Variants in NTRK3 observed in about 807,000 individuals in gnomAD.
NTRK3 encodes the protein NT-3 growth factor receptor.
In NTRK3, 24 loss-of-function variants were observed where a neutral mutation model predicts 91.7. That is an observed-to-expected ratio of 0.26 (90% confidence interval 0.19 to 0.37). NTRK3 has a LOEUF of 0.37. Among genes scored for constraint, NTRK3 ranks in the 10% least tolerant of loss-of-function variants. The pLI is 1.00. For synonymous variants in NTRK3, 483 were observed against 404.0 expected, an observed-to-expected ratio of 1.20 and a Z score of -2.34; for missense variants, 880 against 1,068.9, an observed-to-expected ratio of 0.82 and a Z score of 2.46.
chr15:88,060,045 A>G (rs2046070695), intron 13 of NTRK3, among the ~76,000 whole-genome samples: 1 of 152,124 alleles, frequency 6.6e-6, no homozygotes, highest in South Asian at 2.1e-4. Context: ...AAGGTCATGG[A>G]AGCCTCCTCA....
intron 5 of NTRK3, among the ~76,000 whole-genome samples, chr15:88,149,688 C>T (rs2043199519): frequency 6.6e-6 from 1 of 152,208 alleles, no homozygotes; most frequent in Non-Finnish European, 1.5e-5. Flanking sequence ...ATGCAGCAGC[C>T]CAGCTCCTGC....
chr15:88,024,062 T>C (rs946844796), intron 14 of NTRK3, among the ~76,000 whole-genome samples: 1 of 152,248 alleles, frequency 6.6e-6, no homozygotes, highest in Non-Finnish European at 1.5e-5. Context: ...GCACTGTTAA[T>C]ACTGCATTAT....
At chr15:88,207,800 G>A (rs1233850809) in intron 3 of NTRK3, among the ~76,000 whole-genome samples, 1 of 152,180 alleles carries the variant, frequency 6.6e-6, no homozygotes. Context: ...AGGGCCAGAT[G>A]TGCTCAGCTC....
At chr15:87,994,580 G>C (rs1189221665) in intron 14 of NTRK3, among the ~76,000 whole-genome samples, 2 of 152,168 alleles carry the variant, frequency 1.3e-5, no homozygotes, top group African/African-American at 2.4e-5. Context: ...CTTGATCTTG[G>C]ATTTCGGGCC....
intron 17 of NTRK3, among the ~76,000 whole-genome samples, chr15:87,920,703 A>T (rs2067793508): frequency 6.6e-6 from 1 of 152,156 alleles, no homozygotes; most frequent in Admixed American, 6.6e-5. Flanking sequence ...CTGGTTTTGC[A>T]GGAGGGGGTC....
intron 13 of NTRK3, among the ~76,000 whole-genome samples, chr15:88,080,882 C>T (rs189930204): frequency 6.6e-6 from 1 of 152,338 alleles, no homozygotes; most frequent in African/African-American, 2.4e-5. Flanking sequence ...CACACAGGTG[C>T]AACTGGCAGT....
chr15:88,198,797 A>C (rs1203421371), intron 3 of NTRK3, among the ~76,000 whole-genome samples: 1 of 152,132 alleles, frequency 6.6e-6, no homozygotes, highest in Non-Finnish European at 1.5e-5. Flanking sequence ...CTGTCTAAGT[A>C]GCCTGGGACA....
intron 5 of NTRK3, among the ~76,000 whole-genome samples, chr15:88,162,717 A>G (rs967076631): frequency 8.5e-5 from 13 of 152,248 alleles, no homozygotes; most frequent in African/African-American, 2.7e-4. Context: ...TCCAAGGAAA[A>G]TAATGAGGAA....
At chr15:87,913,815 G>T (rs985474230) in intron 17 of NTRK3, among the ~76,000 whole-genome samples, 1 of 152,204 alleles carries the variant, frequency 6.6e-6, no homozygotes, top group East Asian at 1.9e-4. Flanking sequence ...TATATCCAAG[G>T]TTGTCTGAAA....
At chr15:87,942,685 C>T (rs923398628) in intron 14 of NTRK3, among the ~76,000 whole-genome samples, 4 of 152,124 alleles carry the variant, frequency 2.6e-5, no homozygotes, top group African/African-American at 9.7e-5. Context: ...CCTCCAAGAG[C>T]TTATGCACCT....
In NTRK3 at chr15:88,240,933, G is replaced by T. The variant is rs2052291057; in HGVS notation, c.248+14973C>A. Reference sequence around the variant, plus strand: ...GGTGTGCCCAGCATTCTGCATGGAGGCATGTGTGCCCTCAGCAAGCTGGGA... The same window carrying T: ...GGTGTGCCCAGCATTCTGCATGGAGTCATGTGTGCCCTCAGCAAGCTGGGA... On this transcript the variant is annotated intron_variant, in intron 3 of 18. Coordinates refer to ENST00000394480, the Ensembl canonical transcript of NTRK3. This position sits in a 1 kb window ranked among gnomAD's most constrained non-coding sequence, Gnocchi z 4.9. Among the ~76,000 whole-genome samples, 2 of 152,202 alleles carry T rather than the reference G, an allele frequency of 1.3e-5. No individual in the cohort carries two copies. Among genetic ancestry groups the T allele is most frequent in the African/African-American group, 4.8e-5 (2 of 41,456 alleles).
chr15:87,869,675 G>GA (rs1012145961), exon 19 of NTRK3: 6 of 200,220 alleles, frequency 3.0e-5, no homozygotes, highest in Admixed American at 6.0e-5. Flanking sequence ...GAAGAAATAT[G>GA]AAAAAAAATC....
chr15:88,253,953 C>T (rs1394476254), intron 3 of NTRK3, among the ~76,000 whole-genome samples: 1 of 152,222 alleles, frequency 6.6e-6, no homozygotes, highest in African/African-American at 2.4e-5. Context: ...AGAGGAGCAA[C>T]ACCTCTGTGT....
chr15:88,111,215 C>G (rs2051313632), intron 13 of NTRK3, among the ~76,000 whole-genome samples: 2 of 152,338 alleles, frequency 1.3e-5, no homozygotes, highest in Admixed American at 1.3e-4. Flanking sequence ...CTCCTTGAAC[C>G]TGGATAGGGT....
At chr15:87,902,741 A>C (rs2094110062) in intron 17 of NTRK3, among the ~76,000 whole-genome samples, 1 of 152,202 alleles carries the variant, frequency 6.6e-6, no homozygotes, top group Non-Finnish European at 1.5e-5. Context: ...CTGAGAAAAC[A>C]CTAGAAAATT....
intron 14 of NTRK3, among the ~76,000 whole-genome samples, chr15:87,991,976 A>T (rs1310673949): frequency 3.3e-5 from 5 of 151,544 alleles, no homozygotes. Context: ...GGCACACACT[A>T]GATGATGAAC....
intron 13 of NTRK3, among the ~76,000 whole-genome samples, chr15:88,038,584 C>T (rs1161109566): frequency 2.0e-5 from 3 of 152,158 alleles, no homozygotes; most frequent in African/African-American, 4.8e-5. Flanking sequence ...ATAACAAATG[C>T]ACCACTCTGC....
At chr15:88,188,973 G>T (rs1012317803) in intron 3 of NTRK3, among the ~76,000 whole-genome samples, 1 of 152,198 alleles carries the variant, frequency 6.6e-6, no homozygotes, top group African/African-American at 2.4e-5. Flanking sequence ...TCTCACCACT[G>T]CCCTTCCATT....
chr15:88,163,394 A>G (rs550488721), intron 5 of NTRK3, among the ~76,000 whole-genome samples: 1 of 152,252 alleles, frequency 6.6e-6, no homozygotes, highest in Admixed American at 6.5e-5. Flanking sequence ...ACTTACTGAT[A>G]TATCCCTCCT....
Sources: gnomAD v4.1 joint callset for allele counts (sites outside exome capture counted in the v4.1 genomes callset) on GRCh38, gnomAD v4.1.1 for gene constraint, Gnocchi (gnomAD v3.1) non-coding constraint, MANE v1.5 for transcripts, NCBI Gene and HGNC (gene_info 2026-07-23, HGNC 2026-07-21) for gene names.